The following HCRTR2 variants were observed in gnomAD, a reference collection of about 807,000 sequenced individuals.
HCRTR2 encodes the protein orexin receptor type 2.
In HCRTR2, 22 loss-of-function variants were observed where a neutral mutation model predicts 49.0. That is an observed-to-expected ratio of 0.45 (90% CI 0.32 to 0.64). The LOEUF (loss-of-function observed/expected upper bound fraction) is 0.64. Ranked by LOEUF, HCRTR2 falls within the 30% of genes least tolerant of loss-of-function variation. The pLI, the probability that HCRTR2 is intolerant of heterozygous loss-of-function variation, is 0.04. For missense variants in HCRTR2, 491 were observed against 559.4 expected (o/e 0.88, Z 1.23); for synonymous variants, 236 against 205.3 (o/e 1.15, Z -1.28).
intron 3 of HCRTR2, among the ~76,000 whole-genome samples, chr6:55,262,692 G>T: frequency 7.2e-6 from 1 of 138,964 alleles, no homozygotes. Context: ...ATATTATGTA[G>T]GGAATCTGAA....
At chr6:55,208,332 A>AT in intron 1 of HCRTR2, among the ~76,000 whole-genome samples, 1 of 150,098 alleles carries the variant, frequency 6.7e-6, no homozygotes, top group Admixed American at 6.7e-5. Context: ...AAAAATAAAA[A>AT]AAAAAAAAAA....
chr6:55,276,756 G>A (rs1767083277), intron 4 of HCRTR2, among the ~76,000 whole-genome samples: 1 of 152,180 alleles, frequency 6.6e-6, no homozygotes, highest in African/African-American at 2.4e-5. Flanking sequence ...ATGGGTTTGT[G>A]TGCATTTTAA....
intron 1 of HCRTR2, among the ~76,000 whole-genome samples, chr6:55,240,173 C>G (rs1038027052): frequency 6.6e-6 from 1 of 151,480 alleles, no homozygotes; most frequent in Non-Finnish European, 1.5e-5. Context: ...CTGGCTAACA[C>G]CGTGAAACCC....
At chr6:55,281,431 T>C (rs967026047) in intron 6 of HCRTR2, among the ~76,000 whole-genome samples, 3 of 152,168 alleles carry the variant, frequency 2.0e-5, no homozygotes, top group Middle Eastern at 3.2e-3. Flanking sequence ...GTCAAAGTCC[T>C]AGTATGGAGG....
intron 4 of HCRTR2, among the ~76,000 whole-genome samples, chr6:55,274,005 A>T (rs528508953): frequency 7.0e-4 from 107 of 151,974 alleles, no homozygotes; most frequent in African/African-American, 2.3e-3. Context: ...TCTTTTTTTA[A>T]ATTGCTTTGG....
chr6:55,225,449 C>T (rs1213399105), intron 1 of HCRTR2, among the ~76,000 whole-genome samples: 1 of 152,004 alleles, frequency 6.6e-6, no homozygotes, highest in Non-Finnish European at 1.5e-5. Flanking sequence ...CTTTCTCAGA[C>T]CATATGGTGA....
chr6:55,112,719 A>G (rs1024929856), intron 1 of HCRTR2, among the ~76,000 whole-genome samples: 3 of 151,994 alleles, frequency 2.0e-5, no homozygotes, highest in African/African-American at 4.8e-5. Context: ...ATACTGCAAA[A>G]GCGATCTACA....
rs532803396 is a variant in HCRTR2 at position 55,212,840 on chromosome 6, C to A, written c.224-35799C>A. On this transcript the variant is annotated intron_variant, in intron 1 of 6. Transcript: ENST00000370862. ...TGATGTTATCTTCCTTTAAGGCAATCAAAATGCATCTGACAAATGGCCATC... is the reference window on the plus strand; with the variant it reads ...TGATGTTATCTTCCTTTAAGGCAATAAAAATGCATCTGACAAATGGCCATC... 5.9e-5 allele frequency among the ~76,000 whole-genome samples: 9 copies of A among 152,248 alleles called. No individual in the cohort carries two copies. In the South Asian group the frequency reaches 1.2e-3, roughly 21 times the overall value.
rs182126436 is a variant in HCRTR2, at chr6:55,250,446, A to G, written c.402+1629A>G. 7.2e-5 allele frequency among the ~76,000 whole-genome samples: 11 copies of G among 152,270 alleles called. No homozygotes were observed. In the East Asian group the frequency reaches 2.1e-3, roughly 29 times the overall value. The stretch of plus-strand genomic sequence containing the variant: ...TTGGTTTCAATAACTACCCAGGAGA[A>G]TATTTTGAGGATTCTCTTAAGTTTT... On this transcript the variant is annotated intron_variant, in intron 2 of 6. Coordinates refer to ENST00000370862, the MANE Select transcript of HCRTR2 (RefSeq NM_001384272.1).
chr6:55,253,194 G>GCACACA (rs34614654), intron 2 of HCRTR2, among the ~76,000 whole-genome samples: 224 of 148,796 alleles, frequency 1.5e-3, no homozygotes, highest in African/African-American at 5.2e-3. Flanking sequence ...ACTTCATTTA[G>GCACACA]CACACACACA....
At chr6:55,196,214 A>C (rs1466063457) in intron 1 of HCRTR2, among the ~76,000 whole-genome samples, 1 of 152,030 alleles carries the variant, frequency 6.6e-6, no homozygotes, top group Non-Finnish European at 1.5e-5. Context: ...TCCTTTTGCC[A>C]TTTCATGTAT....
At chr6:55,237,070 T>C (rs1562017401) in intron 1 of HCRTR2, among the ~76,000 whole-genome samples, 2 of 152,138 alleles carry the variant, frequency 1.3e-5, no homozygotes, top group African/African-American at 4.8e-5. Flanking sequence ...TGGTTTTATC[T>C]AATCTTTCTT....
chr6:55,229,262 C>G (rs1766068711), intron 1 of HCRTR2, among the ~76,000 whole-genome samples: 1 of 152,148 alleles, frequency 6.6e-6, no homozygotes, highest in Non-Finnish European at 1.5e-5. Context: ...CTCCAAGACT[C>G]AAGTGATCCT....
At chr6:55,115,570 C>A (rs1764105561) in intron 1 of HCRTR2, among the ~76,000 whole-genome samples, 1 of 150,972 alleles carries the variant, frequency 6.6e-6, no homozygotes. Flanking sequence ...TAGCGTAGTG[C>A]CAGGAATATT....
At chr6:55,129,266 C>G (rs958295073) in intron 1 of HCRTR2, among the ~76,000 whole-genome samples, 5 of 152,052 alleles carry the variant, frequency 3.3e-5, no homozygotes, top group Non-Finnish European at 7.4e-5. Context: ...AATCATATCC[C>G]CTTGTGTTTT....
At chr6:55,226,523 GGT>G (rs2127298107) in intron 1 of HCRTR2, among the ~76,000 whole-genome samples, 1 of 152,038 alleles carries the variant, frequency 6.6e-6, no homozygotes, top group African/African-American at 2.4e-5. Flanking sequence ...TGGCCAGGGT[GGT>G]CTCGAGCTCC....
At chr6:55,186,773 C>T (rs1765222889) in intron 1 of HCRTR2, among the ~76,000 whole-genome samples, 1 of 152,108 alleles carries the variant, frequency 6.6e-6, no homozygotes, top group South Asian at 2.1e-4. Context: ...TGACTCTGTA[C>T]TTTCTATAAT....
intron 1 of HCRTR2, among the ~76,000 whole-genome samples, chr6:55,192,733 T>C (rs1267210873): frequency 6.6e-6 from 1 of 152,228 alleles, no homozygotes; most frequent in African/African-American, 2.4e-5. Flanking sequence ...CCTTCCTCTT[T>C]TGCATGAAGT....
At position 55,174,809 on chromosome 6, in the gene HCRTR2, G is replaced by A; in HGVS notation, c.222G>A (p.Leu74=). Residue 74 remains leucine, a splice_region_variant and synonymous_variant, in exon 1 of 7, where the codon CTG becomes CTA. Transcript: ENST00000370862. ...TCGTGGCTCTCATTGGGAACGTCCT[G>A]GGTGAGTCTCCTCCCGGGCAGCCCT... ...VFVVALIGNV[L]VCVAVWKNHH... The A allele has an allele frequency of 1.2e-6, 2 of 1,613,710 alleles. No homozygotes were observed.
Sources: allele counts gnomAD v4.1 joint callset (sites outside exome capture counted in the v4.1 genomes callset), GRCh38; gene constraint gnomAD v4.1.1; transcripts MANE v1.5; gene names NCBI Gene and HGNC (gene_info 2026-07-23, HGNC 2026-07-21).